Variants in PRKN observed in about 807,000 individuals in gnomAD.
PRKN encodes the protein E3 ubiquitin-protein ligase parkin.
PRKN carries 56 observed loss-of-function variants against 59.5 expected under a neutral mutation model. The observed-to-expected ratio is 0.94, with a 90% confidence interval of 0.76 to 1.18. PRKN has a LOEUF of 1.18. PRKN is among the 50% of genes most tolerant of loss of function. The pLI is 0.00. For missense variants in PRKN, 657 were observed against 596.4 expected (o/e 1.10, Z -1.06); for synonymous variants, 250 against 222.1 (o/e 1.13, Z -1.12).
intron 9 of PRKN, among the ~76,000 whole-genome samples, chr6:161,430,933 C>T (rs534621398): frequency 1.7e-4 from 26 of 151,090 alleles, no homozygotes; most frequent in South Asian, 1.7e-3. Context: ...GTCAGAAGTT[C>T]GAGACCAGCC....
chr6:161,392,408 T>C (rs930061273), intron 9 of PRKN, among the ~76,000 whole-genome samples: 3 of 151,506 alleles, frequency 2.0e-5, no homozygotes, highest in African/African-American at 7.3e-5. Flanking sequence ...AAGAAAAAAT[T>C]TAACAAGGTC....
rs1191210116 is a variant in PRKN at position 161,456,785 on chromosome 6, G to A, written c.1084-69908C>T. Among the ~76,000 whole-genome samples, 1 of 152,156 alleles carries A rather than the reference G, an allele frequency of 6.6e-6. No individual in the cohort carries two copies. Among genetic ancestry groups the A allele is most frequent in the Non-Finnish European group, 1.5e-5 (1 of 68,032 alleles). Reference sequence around the variant, plus strand: ...GAAAGGGTCTGGGGTACATGCACATGACCCTTCCTCTTCCTCTTCCACCCA... The same window carrying A: ...GAAAGGGTCTGGGGTACATGCACATAACCCTTCCTCTTCCTCTTCCACCCA... On this transcript the variant is annotated intron_variant, in intron 9 of 11. Coordinates refer to ENST00000366898, the MANE Select transcript of PRKN (RefSeq NM_004562.3). This position sits in a 1 kb window ranked among gnomAD's most constrained non-coding sequence, Gnocchi z 4.8.
At chr6:161,911,413 C>T (rs1440927551) in intron 6 of PRKN, among the ~76,000 whole-genome samples, 8 of 152,202 alleles carry the variant, frequency 5.3e-5, no homozygotes, top group Non-Finnish European at 1.2e-4. Context: ...AAACCCCCTT[C>T]CCACATTCTG....
intron 8 of PRKN, among the ~76,000 whole-genome samples, chr6:161,559,880 C>T (rs1469396274): frequency 1.3e-5 from 2 of 152,172 alleles, no homozygotes; most frequent in East Asian, 3.9e-4. Flanking sequence ...TTATAACTAT[C>T]TGAAATGGAC....
intron 6 of PRKN, among the ~76,000 whole-genome samples, chr6:161,893,144 C>T (rs1324929146): frequency 6.6e-6 from 1 of 152,154 alleles, no homozygotes; most frequent in Non-Finnish European, 1.5e-5. Context: ...CCCAGCCCAT[C>T]AATATTTTGT....
chr6:161,626,608 C>T (rs1049973002), intron 7 of PRKN, among the ~76,000 whole-genome samples: 6 of 152,204 alleles, frequency 3.9e-5, no homozygotes, highest in Admixed American at 2.6e-4. Flanking sequence ...CTGATATTTA[C>T]AGCTTTGCCA....
intron 1 of PRKN, among the ~76,000 whole-genome samples, chr6:162,466,379 T>C (rs891756108): frequency 1.3e-5 from 2 of 152,124 alleles, no homozygotes; most frequent in African/African-American, 4.8e-5. Flanking sequence ...TTATTAACTT[T>C]GAATAGATGC....
chr6:162,420,050 G>A (rs899138519), intron 2 of PRKN, among the ~76,000 whole-genome samples: 8 of 151,974 alleles, frequency 5.3e-5, no homozygotes, highest in African/African-American at 1.7e-4. Context: ...TACATTTATT[G>A]TGCACCTTAT....
In PRKN at chr6:161,505,221, C is replaced by T. The variant is rs1241397237; in HGVS notation, c.1083+43633G>A. Among the ~76,000 whole-genome samples, 6 of 152,192 alleles carry T rather than the reference C, an allele frequency of 3.9e-5. No homozygotes were observed. The East Asian group carries it at 1.2e-3, about 29-fold the overall frequency. ...GACTTTTTAATGATCGCCATTCTAA[C>T]TGGTGTGAGATGATATCTCATTGTG... On this transcript the variant is annotated intron_variant, in intron 9 of 11. Transcript: ENST00000366898.
At chr6:161,670,887 T>C (rs1784884479) in intron 7 of PRKN, among the ~76,000 whole-genome samples, 1 of 152,136 alleles carries the variant, frequency 6.6e-6, no homozygotes, top group Non-Finnish European at 1.5e-5. Flanking sequence ...AGTATGACCT[T>C]ATCTTACCCT....
At chr6:161,381,988 T>G (rs1786009265) in intron 10 of PRKN, among the ~76,000 whole-genome samples, 1 of 151,736 alleles carries the variant, frequency 6.6e-6, no homozygotes, top group Non-Finnish European at 1.5e-5. Flanking sequence ...AGCAGGTGCC[T>G]GTAGTTTCAG....
chr6:161,772,046 A>G (rs964728047), intron 7 of PRKN, among the ~76,000 whole-genome samples: 2 of 152,124 alleles, frequency 1.3e-5, no homozygotes, highest in African/African-American at 2.4e-5. Context: ...GTGTGTTTGT[A>G]TGTAAGTGGC....
At chr6:162,544,341 C>A (rs1433778495) in intron 1 of PRKN, among the ~76,000 whole-genome samples, 3 of 152,072 alleles carry the variant, frequency 2.0e-5, no homozygotes, top group Non-Finnish European at 4.4e-5. Flanking sequence ...TACACAGCAA[C>A]AGAGGAATGC....
intron 7 of PRKN, among the ~76,000 whole-genome samples, chr6:161,772,452 C>A (rs1294113999): frequency 6.6e-6 from 1 of 152,146 alleles, no homozygotes; most frequent in Non-Finnish European, 1.5e-5. Context: ...TGATTCTCAG[C>A]AATCGACATG....
At chr6:161,731,553 C>A (rs373106100) in intron 7 of PRKN, among the ~76,000 whole-genome samples, 9 of 152,086 alleles carry the variant, frequency 5.9e-5, no homozygotes, top group African/African-American at 1.7e-4. Context: ...ATTGTGTACA[C>A]CGTGTATGCA....
At chr6:162,216,994 T>C (rs1777704864) in intron 3 of PRKN, among the ~76,000 whole-genome samples, 1 of 152,198 alleles carries the variant, frequency 6.6e-6, no homozygotes, top group Non-Finnish European at 1.5e-5. Context: ...GACTTAGTTC[T>C]ACTTTAATAC....
chr6:161,617,692 TC>T (rs1355165073), intron 7 of PRKN, among the ~76,000 whole-genome samples: 1 of 152,228 alleles, frequency 6.6e-6, no homozygotes, highest in African/African-American at 2.4e-5. Context: ...GCTAGGTGTT[TC>T]TCATATCCAA....
At chr6:162,467,823 G>A (rs571226751) in intron 1 of PRKN, among the ~76,000 whole-genome samples, 8 of 151,870 alleles carry the variant, frequency 5.3e-5, no homozygotes, top group South Asian at 4.2e-4. Flanking sequence ...CTCCCGCTAC[G>A]CCGCCCACCG....
intron 6 of PRKN, among the ~76,000 whole-genome samples, chr6:161,873,538 G>C (rs866098712): frequency 3.3e-5 from 5 of 151,316 alleles, no homozygotes; most frequent in South Asian, 4.2e-4. Context: ...CCGCGCATCA[G>C]ACACGAGTCA....
Sources: allele counts gnomAD v4.1 joint callset (sites outside exome capture counted in the v4.1 genomes callset), GRCh38; gene constraint gnomAD v4.1.1; non-coding constraint Gnocchi (gnomAD v3.1); transcripts MANE v1.5; gene names NCBI Gene and HGNC (gene_info 2026-07-23, HGNC 2026-07-21).